Variants in ADCY3 observed in about 807,000 individuals in gnomAD.
ADCY3 encodes the protein adenylate cyclase 3.
Under a neutral mutation model 119.4 loss-of-function variants are expected in ADCY3, and 70 were observed. That is an observed-to-expected ratio of 0.59 (90% CI 0.48 to 0.72). The LOEUF (loss-of-function observed/expected upper bound fraction) is 0.72, where lower values mean the gene tolerates loss of function less well. ADCY3 is among the 30% of genes least tolerant of loss of function. ADCY3 has a pLI of 0.00. For missense variants in ADCY3, 1,238 were observed against 1,541.6 expected (o/e 0.80, Z 3.30); for synonymous variants, 672 against 621.4 (o/e 1.08, Z -1.21).
chr2:24,864,922 G>T (rs1397088649), intron 3 of ADCY3, among the ~76,000 whole-genome samples: 1 of 152,166 alleles, frequency 6.6e-6, no homozygotes, highest in African/African-American at 2.4e-5. Flanking sequence ...CTTTGATCCA[G>T]CAATTCCACT....
intron 3 of ADCY3, among the ~76,000 whole-genome samples, chr2:24,871,642 T>G (rs533563842): frequency 6.6e-5 from 10 of 152,258 alleles, no homozygotes; most frequent in Non-Finnish European, 1.5e-4. Flanking sequence ...AAACAGCAAT[T>G]TCAGTGAATC....
chr2:24,861,873 C>T (rs1353054205), intron 3 of ADCY3, among the ~76,000 whole-genome samples: 1 of 152,228 alleles, frequency 6.6e-6, no homozygotes, highest in African/African-American at 2.4e-5. Context: ...CATCTTGGAG[C>T]CCCAAAGGGC....
chr2:24,884,721 C>T (rs1190936209), intron 2 of ADCY3, among the ~76,000 whole-genome samples: 3 of 152,028 alleles, frequency 2.0e-5, no homozygotes, highest in African/African-American at 7.3e-5. Context: ...AAGTGATCTG[C>T]CCGCCTTGGC....
At chr2:24,911,166 C>T (rs1375609853) in intron 2 of ADCY3, among the ~76,000 whole-genome samples, 1 of 151,658 alleles carries the variant, frequency 6.6e-6, no homozygotes, top group African/African-American at 2.4e-5. Flanking sequence ...AACCAAAACC[C>T]TAACCCCGTT....
chr2:24,827,528 G>C lies in ADCY3; in HGVS notation c.2495+18C>G. On this transcript the variant is annotated intron_variant, in intron 15 of 21. Transcript: ENST00000679454. ...AGGGCTGTGAGTGCAGGCCAGGAGG[G>C]GAAGCCGTGGCCCTTACCTGTCAGT... 6.4e-7 allele frequency: 1 copy of C among 1,574,794 alleles called. No individual in the cohort carries two copies. Among genetic ancestry groups the C allele is most frequent in the Non-Finnish European group, 8.6e-7 (1 of 1,157,258 alleles).
intron 2 of ADCY3, among the ~76,000 whole-genome samples, chr2:24,904,496 G>A (rs1021239652): frequency 1.3e-5 from 2 of 151,934 alleles, no homozygotes; most frequent in Admixed American, 6.6e-5. Context: ...ACTCCAGCCT[G>A]AGCGACAGAG....
rs1256142332 is a variant in ADCY3, at chr2:24,846,430, A to C, written c.826-4046T>G. On this transcript the variant is annotated intron_variant, in intron 3 of 21. Coordinates refer to ENST00000679454, the MANE Select transcript of ADCY3 (RefSeq NM_004036.5). ...AAAGGAGGTCATTTTGGAGCTTTAA[A>C]ATTTAAGCTCCAAAGAAGCCCTGCT... is the stretch of plus-strand genomic sequence containing the variant. Among the ~76,000 whole-genome samples the C allele has an allele frequency of 2.0e-5, 3 of 152,176 alleles. No individual in the cohort carries two copies. In the East Asian group the frequency reaches 5.8e-4, roughly 29 times the overall value.
chr2:24,825,993 G>A lies in ADCY3; in HGVS notation c.2577+52C>T, dbSNP rs959948640. ...CTTAGGTCCCAGGGCTGCTTCTCAG[G>A]AGGCCCTGTGGGCTGTGGGCACAGA... is the stretch of plus-strand genomic sequence containing the variant. On this transcript the variant is annotated intron_variant, in intron 16 of 21. Transcript: ENST00000679454. 17 of 1,561,796 alleles carry A rather than the reference G, an allele frequency of 1.1e-5. No homozygotes were observed. The African/African-American group carries it at 2.0e-4, about 19-fold the overall frequency.
chr2:24,846,378 C>T (rs966750979), intron 3 of ADCY3, among the ~76,000 whole-genome samples: 4 of 152,204 alleles, frequency 2.6e-5, no homozygotes, highest in Non-Finnish European at 5.9e-5. Context: ...CTTACATCAG[C>T]GTGACCTGGA....
chr2:24,820,727 A>AATGTTGCCCATGACC lies in ADCY3; in HGVS notation c.3234_3248dup (p.Asn1082_Ile1083insMetValMetGlyAsn). On this transcript the variant is annotated inframe_insertion, in exon 21 of 22. Coordinates refer to ENST00000679454, the MANE Select transcript of ADCY3 (RefSeq NM_004036.5). The stretch of plus-strand genomic sequence containing the variant: ...CCAGCTGTGCCACTGGACATACCTG[A>AATGTTGCCCATGACC]ATGTTGCCCATGACCCCCGTGGACT... The AATGTTGCCCATGACC allele has an allele frequency of 6.2e-7, 1 of 1,613,974 alleles. No individual in the cohort carries two copies. Among genetic ancestry groups the AATGTTGCCCATGACC allele is most frequent in the Non-Finnish European group, 8.5e-7 (1 of 1,179,964 alleles).
rs532058046 is a variant in ADCY3 at position 24,911,260 on chromosome 2, C to T, written c.675+7053G>A. 2.3e-3 allele frequency among the ~76,000 whole-genome samples: 266 copies of T among 114,774 alleles called. 2 individuals are homozygous for T. Among genetic ancestry groups the T allele is most frequent in the Middle Eastern group, 7.9e-3 (1 of 126 alleles). 75.3% of individuals were successfully genotyped at this position (114,774 alleles called of 152,430 possible). A position where few individuals can be genotyped will look rare whatever the true frequency, so the allele number is the denominator to read the frequency against. ...TTTTTTGAGATGGGGTCTCACTGTT[C>T]CCCAGGCTGCAGTGGGGTGGTATGA... On this transcript the variant is annotated intron_variant, in intron 2 of 21. Coordinates refer to ENST00000679454, the MANE Select transcript of ADCY3 (RefSeq NM_004036.5).
intron 9 of ADCY3, among the ~76,000 whole-genome samples, 177 bp downstream of exon 9, chr2:24,836,740 G>A (rs1317333004): frequency 6.6e-6 from 1 of 152,190 alleles, no homozygotes; most frequent in Non-Finnish European, 1.5e-5. Flanking sequence ...AGGAGACAGT[G>A]GGGTTTTGCG....
rs746309117 is a variant in ADCY3, at chr2:24,838,631, C to CAG, written c.1356-11_1356-10dup. The CAG allele has an allele frequency of 4.3e-6, 7 of 1,613,430 alleles. No homozygotes were observed. The highest frequency in any genetic ancestry group is 2.2e-5 in the East Asian group (1 of 44,884). On this transcript the variant is annotated splice_polypyrimidine_tract_variant and intron_variant, in intron 7 of 21. Transcript: ENST00000679454. ...GGGAGATGTGCACGCGCCTGGATTG[C>CAG]AGAGAGAGAGGCCCTGAGCGTCGGC...
intron 3 of ADCY3, among the ~76,000 whole-genome samples, chr2:24,849,294 T>C (rs1345659843): frequency 6.6e-6 from 1 of 152,004 alleles, no homozygotes; most frequent in East Asian, 1.9e-4. Flanking sequence ...TGGTTCTCCC[T>C]CCAGACACTG....
chr2:24,875,970 A>C (rs1171583100), intron 2 of ADCY3, among the ~76,000 whole-genome samples: 1 of 141,642 alleles, frequency 7.1e-6, no homozygotes, highest in Non-Finnish European at 1.5e-5. Flanking sequence ...CCCAGAAAGG[A>C]GTGTGGACTT....
chr2:24,870,726 C>T (rs1674887599), intron 3 of ADCY3, among the ~76,000 whole-genome samples: 1 of 152,306 alleles, frequency 6.6e-6, no homozygotes, highest in Middle Eastern at 3.4e-3. Context: ...ACTGACCCTG[C>T]CCAGAGGAAG....
At chr2:24,860,815 A>C (rs548274345) in intron 3 of ADCY3, among the ~76,000 whole-genome samples, 1 of 152,294 alleles carries the variant, frequency 6.6e-6, no homozygotes, top group South Asian at 2.1e-4. Context: ...GGCAAGAGAG[A>C]GAGCGGGCTC....
chr2:24,905,918 T>C (rs2149022141), intron 2 of ADCY3, among the ~76,000 whole-genome samples: 1 of 152,308 alleles, frequency 6.6e-6, no homozygotes, highest in South Asian at 2.1e-4. Flanking sequence ...GCCAGTGCTT[T>C]GACCCAGAGT....
At chr2:24,839,814 G>C in intron 7 of ADCY3, 59 bp downstream of exon 7, 1 of 1,608,610 alleles carries the variant, frequency 6.2e-7, no homozygotes, top group Non-Finnish European at 8.5e-7. Context: ...AGCCCTGGGG[G>C]ATGGAGGGGA....
Sources: gnomAD v4.1 joint callset for allele counts (sites outside exome capture counted in the v4.1 genomes callset) on GRCh38, gnomAD v4.1.1 for gene constraint, MANE v1.5 for transcripts, NCBI Gene and HGNC (gene_info 2026-07-23, HGNC 2026-07-21) for gene names.